Variants in CDH13 observed in about 807,000 individuals in gnomAD.
CDH13 encodes the protein cadherin 13.
A neutral mutation model predicts 63.8 loss-of-function variants in CDH13; 24 were observed. The observed-to-expected ratio is 0.38, with a 90% CI of 0.27 to 0.53. The LOEUF is 0.53. Ranked by LOEUF, CDH13 falls within the 20% of genes least tolerant of loss-of-function variation. The pLI is 0.85. For synonymous variants in CDH13, 503 were observed against 355.3 expected (o/e 1.42, Z -4.67); for missense variants, 1,049 against 903.1 (o/e 1.16, Z -2.07).
At chr16:83,210,314 C>G (rs929900225) in intron 4 of CDH13, among the ~76,000 whole-genome samples, 6 of 151,998 alleles carry the variant, frequency 3.9e-5, no homozygotes, top group Admixed American at 2.0e-4. Flanking sequence ...ATCCACCTTC[C>G]TCAACCTCCC....
intron 3 of CDH13, among the ~76,000 whole-genome samples, chr16:83,033,517 G>C (rs1026932040): frequency 6.6e-6 from 1 of 152,106 alleles, no homozygotes. Context: ...CATATACTGT[G>C]TATATGTATG....
chr16:82,849,431 G>A (rs1567598204), intron 1 of CDH13, among the ~76,000 whole-genome samples: 2 of 152,168 alleles, frequency 1.3e-5, no homozygotes, highest in African/African-American at 2.4e-5. Flanking sequence ...GAACCAGGGA[G>A]TAGGAGGTTT....
At chr16:83,678,140 A>G in intron 9 of CDH13, 68 bp from the exon 10 acceptor site, 15 of 1,526,936 alleles carry the variant, frequency 9.8e-6, no homozygotes, top group Non-Finnish European at 1.3e-5. Context: ...ATTTCAGAGG[A>G]AGTTGATGCA....
At chr16:82,745,279 C>T (rs2034111804) in intron 1 of CDH13, among the ~76,000 whole-genome samples, 1 of 152,144 alleles carries the variant, frequency 6.6e-6, no homozygotes, top group Admixed American at 6.6e-5. Flanking sequence ...GCTTCAGTAG[C>T]CTTTCCCAAC....
intron 4 of CDH13, among the ~76,000 whole-genome samples, chr16:83,192,970 C>T (rs937866729): frequency 1.9e-4 from 29 of 152,042 alleles, no homozygotes; most frequent in Admixed American, 3.3e-4. Context: ...GAACTATGTA[C>T]TTGGGCTTTG....
intron 5 of CDH13, among the ~76,000 whole-genome samples, chr16:83,247,098 C>A (rs1423488732): frequency 1.3e-5 from 2 of 152,172 alleles, no homozygotes; most frequent in Non-Finnish European, 2.9e-5. Context: ...AACAGGAGGG[C>A]ACTGTGGATT....
At chr16:82,658,597 T>G (rs532605303) in intron 1 of CDH13, among the ~76,000 whole-genome samples, 1 of 152,338 alleles carries the variant, frequency 6.6e-6, no homozygotes, top group South Asian at 2.1e-4. Flanking sequence ...AATCTCTCTG[T>G]GCCTCAGTTT....
In CDH13 at chr16:82,644,777, A is replaced by G. The variant is rs550887695; in HGVS notation, c.45+17640A>G. 2.1e-4 allele frequency among the ~76,000 whole-genome samples: 32 copies of G among 152,276 alleles called. No homozygotes were observed. The highest frequency in any genetic ancestry group is 7.5e-4 in the African/African-American group (31 of 41,560). ...TCTTAAAGCCTTTCCAGGTAGCAAC[A>G]GGAGATCACGCAAAGCCACGTAAGT... On this transcript the variant is annotated intron_variant, in intron 1 of 13. Coordinates refer to ENST00000567109, the MANE Select transcript of CDH13 (RefSeq NM_001257.5). The surrounding 1 kb of genome is among the most constrained non-coding windows in gnomAD (Gnocchi z 5.7).
chr16:83,224,693 C>T (rs1300134838), intron 5 of CDH13, among the ~76,000 whole-genome samples: 1 of 152,178 alleles, frequency 6.6e-6, no homozygotes, highest in Admixed American at 6.5e-5. Flanking sequence ...TGAACATTGG[C>T]AATTTCATGG....
intron 6 of CDH13, among the ~76,000 whole-genome samples, chr16:83,469,335 C>G (rs958149641): frequency 6.6e-6 from 1 of 152,158 alleles, no homozygotes; most frequent in African/African-American, 2.4e-5. Flanking sequence ...TTTCTTTGTG[C>G]TCAGTGAACG....
chr16:83,473,226 C>T (rs1305330271), intron 6 of CDH13, among the ~76,000 whole-genome samples: 1 of 152,282 alleles, frequency 6.6e-6, no homozygotes, highest in African/African-American at 2.4e-5. Flanking sequence ...TTTCATTGCT[C>T]GCATCAATCA....
intron 10 of CDH13, among the ~76,000 whole-genome samples, chr16:83,712,539 G>A (rs1908223940): frequency 6.6e-6 from 1 of 152,208 alleles, no homozygotes; most frequent in Non-Finnish European, 1.5e-5. Context: ...CCCTGCATTT[G>A]ATTTCATGTT....
intron 3 of CDH13, among the ~76,000 whole-genome samples, chr16:83,075,664 C>T (rs761594228): frequency 1.3e-5 from 2 of 152,144 alleles, no homozygotes; most frequent in Admixed American, 6.5e-5. Context: ...GAGGCGGTCC[C>T]GGCAAAGTAA....
At chr16:83,302,204 C>A (rs1284419135) in intron 5 of CDH13, among the ~76,000 whole-genome samples, 2 of 152,162 alleles carry the variant, frequency 1.3e-5, no homozygotes, top group Non-Finnish European at 2.9e-5. Flanking sequence ...ATGTGCCTAA[C>A]CTAAAGTCAG....
At chr16:82,809,299 A>G (rs2037320459) in intron 1 of CDH13, among the ~76,000 whole-genome samples, 1 of 89,902 alleles carries the variant, frequency 1.1e-5, no homozygotes, top group South Asian at 5.3e-4. Flanking sequence ...ACCACCTCTC[A>G]AGTTATTTAC....
chr16:83,686,833 A>C (rs1390150552), intron 10 of CDH13, among the ~76,000 whole-genome samples: 1 of 152,146 alleles, frequency 6.6e-6, no homozygotes, highest in Non-Finnish European at 1.5e-5. Flanking sequence ...CTGGTGCATG[A>C]CCAGTGCTCA....
chr16:82,946,151 A>G (rs1904691548), intron 2 of CDH13, among the ~76,000 whole-genome samples: 2 of 151,630 alleles, frequency 1.3e-5, no homozygotes, highest in Non-Finnish European at 2.9e-5. Flanking sequence ...AACATACTAG[A>G]TTTCCATAAC....
At chr16:83,219,911 T>G (rs567235982) in intron 5 of CDH13, among the ~76,000 whole-genome samples, 1 of 152,362 alleles carries the variant, frequency 6.6e-6, no homozygotes. Context: ...CTCTTCTGTG[T>G]GTAGGTGACA....
intron 2 of CDH13, among the ~76,000 whole-genome samples, chr16:82,928,614 T>C (rs958782133): frequency 1.2e-4 from 18 of 152,240 alleles, no homozygotes; most frequent in African/African-American, 3.9e-4. Flanking sequence ...ATTATGTTTT[T>C]TCAACATAAA....
Sources: gnomAD v4.1 joint callset for allele counts (sites outside exome capture counted in the v4.1 genomes callset) on GRCh38, gnomAD v4.1.1 for gene constraint, Gnocchi (gnomAD v3.1) non-coding constraint, MANE v1.5 for transcripts, NCBI Gene and HGNC (gene_info 2026-07-23, HGNC 2026-07-21) for gene names.